Variants in LINGO2 observed in about 807,000 individuals in gnomAD.
LINGO2 encodes the protein leucine rich repeat and Ig domain containing 2.
LINGO2 carries 14 observed loss-of-function variants against 30.6 expected under a neutral mutation model. The ratio of observed to expected loss-of-function variants is 0.46; its 90% confidence interval spans 0.30 to 0.72. The LOEUF (loss-of-function observed/expected upper bound fraction) is 0.72, where lower values mean the gene tolerates loss of function less well. Among genes scored for constraint, LINGO2 ranks in the 30% least tolerant of loss-of-function variants. The pLI, the probability that LINGO2 is intolerant of heterozygous loss-of-function variation, is 0.07. For missense variants in LINGO2, 729 were observed against 751.7 expected, an observed-to-expected ratio of 0.97 and a Z score of 0.35; for synonymous variants, 317 against 288.5, an observed-to-expected ratio of 1.10 and a Z score of -1.00.
At chr9:28,096,275 C>T (rs1826239923) in intron 4 of LINGO2, among the ~76,000 whole-genome samples, 1 of 152,110 alleles carries the variant, frequency 6.6e-6, no homozygotes, top group African/African-American at 2.4e-5. Flanking sequence ...GTATTTGAAG[C>T]TTTCAATAAA....
At chr9:28,630,997 G>T (rs1002622945) in intron 1 of LINGO2, among the ~76,000 whole-genome samples, 1 of 151,592 alleles carries the variant, frequency 6.6e-6, no homozygotes, top group African/African-American at 2.4e-5. Context: ...TACCATTGGA[G>T]AAAACTGGGC....
At chr9:29,052,951 GT>G in the LINGO2 span, among the ~76,000 whole-genome samples, 9 of 151,438 alleles carry the variant, frequency 5.9e-5, no homozygotes, top group Admixed American at 3.3e-4. Context: ...ACTGAAGCTT[GT>G]TTTTTTTGAA....
At chr9:28,278,590 CTATT>C (rs1464870182) in intron 4 of LINGO2, among the ~76,000 whole-genome samples, 1 of 152,174 alleles carries the variant, frequency 6.6e-6, no homozygotes, top group Non-Finnish European at 1.5e-5. Flanking sequence ...GACAGCATAT[CTATT>C]TACATCATGG....
chr9:28,298,699 A>T (rs920857649), intron 3 of LINGO2, among the ~76,000 whole-genome samples: 6 of 150,368 alleles, frequency 4.0e-5, no homozygotes, highest in African/African-American at 1.5e-4. Context: ...AAAAAAAAAA[A>T]TCAGAATGAA....
chr9:28,354,060 A>T (rs566373625), intron 3 of LINGO2, among the ~76,000 whole-genome samples: 1 of 152,138 alleles, frequency 6.6e-6, no homozygotes, highest in East Asian at 1.9e-4. Flanking sequence ...CTAGATGACG[A>T]GTTAGTGGGT....
rs192263493 is a variant in LINGO2, at chr9:28,056,063, G to A, written c.-86-43658C>T. The stretch of plus-strand genomic sequence containing the variant: ...GAAACTATTTTAAAGGAAAGATCCA[G>A]AGAAAAAAGAAAGGAGCTCCCCGCT... On this transcript the variant is annotated intron_variant, in intron 4 of 5. Coordinates refer to ENST00000379992, the Ensembl canonical transcript of LINGO2. 3.9e-5 allele frequency among the ~76,000 whole-genome samples: 6 copies of A among 152,282 alleles called. No individual in the cohort carries two copies. The East Asian group carries it at 7.7e-4, about 20-fold the overall frequency.
chr9:28,324,846 A>G (rs7857867), intron 3 of LINGO2, among the ~76,000 whole-genome samples: 149,714 of 152,240 alleles, frequency 0.98, 73,665 homozygotes, highest in Middle Eastern at 1. Flanking sequence ...CTCTGCCTAT[A>G]GAGTAGCCAT....
At chr9:28,370,701 G>C (rs2134565629) in intron 3 of LINGO2, among the ~76,000 whole-genome samples, 1 of 152,166 alleles carries the variant, frequency 6.6e-6, no homozygotes, top group East Asian at 1.9e-4. Context: ...GTTACAGAAA[G>C]GTTTCTATTC....
At chr9:28,698,026 A>G in the LINGO2 span, among the ~76,000 whole-genome samples, 8 of 152,176 alleles carry the variant, frequency 5.3e-5, no homozygotes, top group South Asian at 8.3e-4. Context: ...TGAAGTTTCT[A>G]TGTAAAACTG....
intron 5 of LINGO2, among the ~76,000 whole-genome samples, chr9:27,966,435 T>C (rs759218894): frequency 7.9e-5 from 12 of 151,984 alleles, no homozygotes; most frequent in Non-Finnish European, 1.5e-4. Flanking sequence ...ATGGATGAAA[T>C]TTGAAACCAT....
intron 4 of LINGO2, among the ~76,000 whole-genome samples, chr9:28,121,341 T>C (rs1827091891): frequency 6.6e-6 from 1 of 152,224 alleles, no homozygotes; most frequent in Non-Finnish European, 1.5e-5. Flanking sequence ...GGTTTTACTT[T>C]ACCTATGCAA....
the LINGO2 span, among the ~76,000 whole-genome samples, chr9:28,822,422 G>C: frequency 6.6e-6 from 1 of 152,156 alleles, no homozygotes; most frequent in African/African-American, 2.4e-5. Flanking sequence ...TCAATACAGA[G>C]TATCAGCTTG....
chr9:28,689,834 T>C, the LINGO2 span, among the ~76,000 whole-genome samples: 2 of 152,124 alleles, frequency 1.3e-5, no homozygotes, highest in Admixed American at 1.3e-4. Flanking sequence ...TGACCATCAA[T>C]GATAGACTGG....
chr9:28,337,313 AT>A (rs1825623510), intron 3 of LINGO2, among the ~76,000 whole-genome samples: 1 of 152,102 alleles, frequency 6.6e-6, no homozygotes, highest in Non-Finnish European at 1.5e-5. Flanking sequence ...GATATTAAAA[AT>A]AAAATACAAT....
the LINGO2 span, among the ~76,000 whole-genome samples, chr9:28,960,440 C>T: frequency 1.3e-5 from 2 of 151,390 alleles, no homozygotes; most frequent in Admixed American, 1.3e-4. Flanking sequence ...TATGAGGTTA[C>T]AGTGAGCTAT....
the LINGO2 span, among the ~76,000 whole-genome samples, chr9:28,933,472 G>A: frequency 0.74 from 112,476 of 151,808 alleles, 41,788 homozygotes; most frequent in Non-Finnish European, 0.78. Flanking sequence ...TTTTTTTCCC[G>A]GAGCTTTCAG....
the LINGO2 span, among the ~76,000 whole-genome samples, chr9:28,708,153 A>C: frequency 0.3 from 46,019 of 151,970 alleles, 7,276 homozygotes; most frequent in Admixed American, 0.45. Context: ...AGAATAACCA[A>C]ATTCCATAAC....
intron 4 of LINGO2, among the ~76,000 whole-genome samples, chr9:28,020,117 T>C (rs990518180): frequency 6.6e-6 from 1 of 152,202 alleles, no homozygotes; most frequent in African/African-American, 2.4e-5. Flanking sequence ...CCAGTCTGAA[T>C]GAGCCATCTC....
At chr9:28,471,557 G>A (rs1825521190) in intron 2 of LINGO2, among the ~76,000 whole-genome samples, 1 of 152,068 alleles carries the variant, frequency 6.6e-6, no homozygotes, top group Admixed American at 6.6e-5. Context: ...AGACACACAC[G>A]AACAATAGCA....
Sources: gnomAD v4.1 joint callset for allele counts (sites outside exome capture counted in the v4.1 genomes callset) on GRCh38, gnomAD v4.1.1 for gene constraint, MANE v1.5 for transcripts, NCBI Gene and HGNC (gene_info 2026-07-23, HGNC 2026-07-21) for gene names.